RPL7: variants seen among roughly 807,000 people sequenced by gnomAD.
The protein encoded by RPL7 is large ribosomal subunit protein uL30.
For missense variants in RPL7, 205 were observed against 301.9 expected (o/e 0.68, Z 2.38); for synonymous variants, 100 against 102.2 (o/e 0.98, Z 0.13).
At chr8:73,291,722 T>G (rs1255271866) in intron 4 of RPL7, 51 bp downstream of exon 4, 2 of 1,591,406 alleles carry the variant, frequency 1.3e-6, no homozygotes, top group East Asian at 4.5e-5. Context: ...AAATTCATGT[T>G]GCTACATAAC....
At chr8:73,293,391 TCGTTCCCG>T in intron 1 of RPL7, 200 bp downstream of exon 1, 1 of 570,998 alleles carries the variant, frequency 1.8e-6, no homozygotes. Flanking sequence ...ACCCGACATC[TCGTTCCCG>T]GGATCTCCAA....
At chr8:73,293,432 G>T in intron 1 of RPL7, 167 bp downstream of exon 1, 2 of 791,350 alleles carry the variant, frequency 2.5e-6, no homozygotes, top group Non-Finnish European at 4.1e-6. Context: ...AAGACCGCCC[G>T]CATCCCAACC....
intron 1 of RPL7, 49 bp from the exon 2 acceptor site, chr8:73,292,846 C>A: frequency 7.4e-7 from 1 of 1,350,278 alleles, no homozygotes; most frequent in Non-Finnish European, 1.0e-6. Flanking sequence ...AAGCTCACAG[C>A]GCTGTATTAC....
chr8:73,293,614 G>A lies in RPL7; in HGVS notation c.-2C>T, dbSNP rs771745437. 1.2e-6 allele frequency: 2 copies of A among 1,613,874 alleles called. No individual in the cohort carries two copies. Among genetic ancestry groups the A allele is most frequent in the Middle Eastern group, 1.7e-4 (1 of 6,054 alleles). ...AGCAACTCACTCTACACCCTCCATG[G>A]TTCCAGCCGGAAAAAGAGGAAGTTG... On this transcript the variant is annotated 5_prime_UTR_variant, in exon 1 of 7. Coordinates refer to ENST00000352983, the MANE Select transcript of RPL7 (RefSeq NM_000971.4).
At position 73,291,450 on chromosome 8, in the gene RPL7, G is replaced by A. The variant is rs567191871; in HGVS notation, c.538+102C>T. The A allele has an allele frequency of 6.7e-5, 63 of 935,776 alleles. No homozygotes were observed. In the African/African-American group the frequency reaches 9.5e-4, roughly 14 times the overall value. The allele number at this position is 935,776 out of a possible 1,614,324, so 58.0% of individuals were successfully genotyped here. A position where few individuals can be genotyped will look rare whatever the true frequency, so the allele number is the denominator to read the frequency against. On this transcript the variant is annotated intron_variant, in intron 5 of 6. Transcript: ENST00000352983. ...CTTTTAAGCTAAATCAAGAATCATA[G>A]GGAACACATGAAGATTCACAATAGT...
At chr8:73,292,940 G>A (rs1814140026) in intron 1 of RPL7, 143 bp from the exon 2 acceptor site, 2 of 577,802 alleles carry the variant, frequency 3.5e-6, no homozygotes, top group African/African-American at 1.9e-5. Context: ...GCATGCTACA[G>A]TGTACGATGC....
At position 73,293,259 on chromosome 8, in the gene RPL7, G is replaced by A. The variant is rs115373929; in HGVS notation, c.14+340C>T. On this transcript the variant is annotated intron_variant, in intron 1 of 6. Coordinates refer to ENST00000352983, the MANE Select transcript of RPL7 (RefSeq NM_000971.4). ...TGTTGAAAGCAAAGGCCTGGCGGCA[G>A]GGAGGCCTGTACCAAGCACCAGCCA... 3.6e-3 allele frequency: 1,028 copies of A among 286,856 alleles called. 11 individuals are homozygous for A. The highest frequency in any genetic ancestry group is 0.021 in the African/African-American group (961 of 45,782). 17.8% of individuals were successfully genotyped at this position (286,856 alleles called of 1,614,324 possible).
chr8:73,291,420 GTTTTC>G (rs2130340168), intron 5 of RPL7, 127 bp downstream of exon 5: 1 of 869,534 alleles, frequency 1.2e-6, no homozygotes, highest in Non-Finnish European at 1.8e-6. Context: ...CATGTCTTAC[GTTTTC>G]TTTTAAGCTA....
In RPL7 at chr8:73,291,085, T is replaced by G; in HGVS notation, c.706A>C (p.Arg236=). The change falls in exon 6 of 7, where the codon AGG becomes CGG. Residue 236 remains arginine (R), a synonymous_variant. Transcript: ENST00000352983. ...ATAAGCCTGTTGATCTGGTCCTCCC[T>G]GTTGCCAGCATCTCCACCTTCTACA... The part of the protein sequence containing the change: ...HFVEGGDAGN[R]EDQINRLIRR... 3 of 1,610,622 alleles carry G rather than the reference T, an allele frequency of 1.9e-6. No homozygotes were observed. The highest frequency in any genetic ancestry group is 2.5e-6 in the Non-Finnish European group (3 of 1,178,300).
chr8:73,291,763 A>G lies in RPL7; in HGVS notation c.428+10T>C. The G allele has an allele frequency of 6.3e-7, 1 of 1,597,940 alleles. No individual in the cohort carries two copies. Among genetic ancestry groups the G allele is most frequent in the Non-Finnish European group, 8.6e-7 (1 of 1,166,806 alleles). ...TATCAAATAGAAATCAAAGGAGAAA[A>G]GAGACTTACCCCCATGCAATATATG... On this transcript the variant is annotated intron_variant, in intron 4 of 6. Coordinates refer to ENST00000352983, the MANE Select transcript of RPL7 (RefSeq NM_000971.4).
In RPL7 at chr8:73,291,697, C is replaced by A. The variant is rs369307613; in HGVS notation, c.429-36G>T. The A allele has an allele frequency of 7.7e-5, 122 of 1,590,434 alleles. No homozygotes were observed. The African/African-American group carries it at 1.5e-3, about 20-fold the overall frequency. ...AAAGCAAACATAAATAAGGTGACCA[C>A]TGTTAAAACATCTAAAATTCATGTT... On this transcript the variant is annotated intron_variant, in intron 4 of 6. Coordinates refer to ENST00000352983, the MANE Select transcript of RPL7 (RefSeq NM_000971.4).
At chr8:73,293,897 G>T (rs111784609), upstream of RPL7, 9 of 404,910 alleles carry the variant, frequency 2.2e-5, no homozygotes, top group African/African-American at 1.2e-4. Flanking sequence ...TCCCCAGGCT[G>T]CGCTGACAGG....
At position 73,291,885 on chromosome 8, in the gene RPL7, G is replaced by C; in HGVS notation, c.316C>G (p.Arg106Gly). ...RGINGVSPKV[R>G]KVLQLLRLRQ... ...AGGCGAAGAAGCTGCAACACCTTTC[G>C]AACCTTTGGGCTCACTCCATTGATA... Residue 106 changes from arginine (R) to glycine (G), a missense_variant, in exon 4 of 7, where the codon CGA becomes GGA. Physicochemically the swap from Arg to Gly is moderately radical, Grantham distance 125. Transcript: ENST00000352983. The C allele has an allele frequency of 6.2e-7, 1 of 1,612,774 alleles. No homozygotes were observed. Among genetic ancestry groups the C allele is most frequent in the Non-Finnish European group, 8.5e-7 (1 of 1,178,834 alleles).
intron 5 of RPL7, 33 bp from the exon 6 acceptor site, chr8:73,291,285 A>G: frequency 6.5e-7 from 1 of 1,527,718 alleles, no homozygotes; most frequent in Non-Finnish European, 8.9e-7. Context: ...AGATTATTAA[A>G]GTTGCAAAAA....
rs548654516 is a variant in RPL7 at position 73,292,361 on chromosome 8, G to A, written c.168C>T (p.His56=). The change falls in exon 3 of 7, where the codon CAC becomes CAT. Residue 56 remains histidine (H), a synonymous_variant. Transcript: ENST00000352983. ...RRKLIYEKAK[H]YHKEYRQMYR... ...ACATCTGCCTATATTCCTTGTGATA[G>A]TGCTTTGCTTTTTCATAGATAAGCT... 1.2e-6 allele frequency: 2 copies of A among 1,601,570 alleles called. No homozygotes were observed. Among genetic ancestry groups the A allele is most frequent in the East Asian group, 2.2e-5 (1 of 44,862 alleles).
upstream of RPL7, chr8:73,293,639 G>C (rs372356152): frequency 1.2e-6 from 2 of 1,613,230 alleles, no homozygotes; most frequent in African/African-American, 2.7e-5. Context: ...AGAGGAAGTT[G>C]GCGCATGCGT....
chr8:73,291,853 T>C lies in RPL7; in HGVS notation c.348A>G (p.Gln116=). 2.5e-6 allele frequency: 4 copies of C among 1,613,366 alleles called. No homozygotes were observed. Among genetic ancestry groups the C allele is most frequent in the African/African-American group, 2.7e-5 (2 of 75,044 alleles). The change falls in exon 4 of 7, where the codon CAA becomes CAG. Residue 116 remains glutamine, a synonymous_variant. Coordinates refer to ENST00000352983, the MANE Select transcript of RPL7 (RefSeq NM_000971.4). ...GCTTCACAAAGGTTCCATTGAAGAT[T>C]TGACGAAGGCGAAGAAGCTGCAACA... is the stretch of plus-strand genomic sequence containing the variant. The part of the protein sequence containing the change: ...RKVLQLLRLR[Q]IFNGTFVKLN...
Position 73,291,155 on chromosome 8 carries a change from T to C in RPL7, c.636A>G (p.Lys212=). 6.2e-7 allele frequency: 1 copy of C among 1,607,598 alleles called. No individual in the cohort carries two copies. Residue 212 remains lysine (K), a synonymous_variant, in exon 6 of 7, where the codon AAA becomes AAG. Coordinates refer to ENST00000352983, the MANE Select transcript of RPL7 (RefSeq NM_000971.4). ...KEANNFLWPF[K]LSSPRGGMKK... ...TCATTCCACCTCGTGGAGAAGACAA[T>C]TTGAAGGGCCACAGGAAGTTATTTG...
In RPL7 at chr8:73,291,560, C is replaced by G. The variant is rs758220252; in HGVS notation, c.530G>C (p.Arg177Pro). 1.9e-6 allele frequency: 3 copies of G among 1,591,312 alleles called. No homozygotes were observed. Among genetic ancestry groups the G allele is most frequent in the Middle Eastern group, 2.1e-4 (1 of 4,744 alleles). Residue 177 changes from arginine to proline, a missense_variant, in exon 5 of 7, where the codon CGA becomes CCA. Transcript: ENST00000352983. ...CCCCAAATAGAACCTACCAAGAGAT[C>G]GAGCAATCAAAGCGTTATCTGTCAA... ...IALTDNALIA[R>P]SLGKYGIICM...
Sources: allele counts gnomAD v4.1 joint callset, GRCh38; gene constraint gnomAD v4.1.1; transcripts MANE v1.5; gene names NCBI Gene and HGNC (gene_info 2026-07-23, HGNC 2026-07-21).